The following NAALADL2 variants were observed in gnomAD, a reference collection of about 807,000 sequenced individuals.
NAALADL2 encodes the protein N-acetylated alpha-linked acidic dipeptidase like 2.
NAALADL2 carries 76 observed loss-of-function variants against 87.2 expected under a neutral mutation model. The ratio of observed to expected loss-of-function variants is 0.87; its 90% CI spans 0.72 to 1.05. The LOEUF (loss-of-function observed/expected upper bound fraction) is 1.05, where lower values mean the gene tolerates loss of function less well. NAALADL2 is among the 50% of genes least tolerant of loss of function. The pLI, the probability that NAALADL2 is intolerant of heterozygous loss-of-function variation, is 0.00. For synonymous variants in NAALADL2, 354 were observed against 331.0 expected (o/e 1.07, Z -0.75); for missense variants, 1,089 against 945.8 (o/e 1.15, Z -1.99).
chr3:175,242,708 C>T (rs1215357655), intron 3 of NAALADL2, among the ~76,000 whole-genome samples: 2 of 152,192 alleles, frequency 1.3e-5, no homozygotes, highest in African/African-American at 4.8e-5. Flanking sequence ...AAGAAACATT[C>T]AACTTTCAGC....
At chr3:174,812,511 ATACTT>A (rs1206859766) in intron 3 of NAALADL2, among the ~76,000 whole-genome samples, 5 of 152,226 alleles carry the variant, frequency 3.3e-5, no homozygotes, top group African/African-American at 7.2e-5. Context: ...TTAATATACT[ATACTT>A]TTTATTTTTA....
chr3:175,600,416 T>A (rs1228223922), intron 10 of NAALADL2, among the ~76,000 whole-genome samples: 1 of 151,062 alleles, frequency 6.6e-6, no homozygotes, highest in Admixed American at 6.6e-5. Flanking sequence ...ATGGAAAACC[T>A]ACATATGTTA....
At chr3:175,789,372 A>C (rs944970686) in intron 13 of NAALADL2, among the ~76,000 whole-genome samples, 3 of 152,190 alleles carry the variant, frequency 2.0e-5, no homozygotes, top group South Asian at 2.1e-4. Flanking sequence ...CTGTGTTAAA[A>C]GTATCAAAAT....
intron 3 of NAALADL2, among the ~76,000 whole-genome samples, chr3:175,243,300 T>G (rs147662609): frequency 7.1e-4 from 97 of 136,678 alleles, no homozygotes; most frequent in African/African-American, 2.6e-3. Context: ...ACTAGTGTTT[T>G]GTTCTACCAC....
intron 2 of NAALADL2, among the ~76,000 whole-genome samples, chr3:175,219,479 T>G (rs1418230972): frequency 6.6e-6 from 1 of 152,168 alleles, no homozygotes; most frequent in Admixed American, 6.6e-5. Context: ...CTCTATTGAT[T>G]ACATTTTCAA....
chr3:175,068,949 T>G (rs1334107470), intron 1 of NAALADL2, among the ~76,000 whole-genome samples: 1 of 152,148 alleles, frequency 6.6e-6, no homozygotes, highest in African/African-American at 2.4e-5. Context: ...ATACGCCACT[T>G]ATGTTTTAAT....
intron 11 of NAALADL2, among the ~76,000 whole-genome samples, chr3:175,669,681 A>G (rs1292852557): frequency 1.3e-5 from 2 of 152,024 alleles, no homozygotes; most frequent in African/African-American, 4.8e-5. Flanking sequence ...GAATGACTCT[A>G]AAGACAGTTT....
At chr3:174,651,121 A>G (rs1724312693) in intron 2 of NAALADL2, among the ~76,000 whole-genome samples, 1 of 152,148 alleles carries the variant, frequency 6.6e-6, no homozygotes, top group Non-Finnish European at 1.5e-5. Flanking sequence ...AAATTGTGCT[A>G]TCATTTAGAA....
chr3:175,068,656 G>A (rs1384358375), intron 1 of NAALADL2, among the ~76,000 whole-genome samples: 1 of 152,058 alleles, frequency 6.6e-6, no homozygotes, highest in Non-Finnish European at 1.5e-5. Flanking sequence ...GAAAAATTTA[G>A]CATCAAAGAT....
chr3:175,345,139 AAATT>A (rs1762997855), intron 5 of NAALADL2, among the ~76,000 whole-genome samples: 1 of 46,732 alleles, frequency 2.1e-5, no homozygotes, highest in Non-Finnish European at 4.2e-5. Flanking sequence ...AAAAAAATAA[AAATT>A]AAATAAATAT....
intron 9 of NAALADL2, among the ~76,000 whole-genome samples, chr3:175,537,004 A>T (rs1169001902): frequency 6.6e-6 from 1 of 152,208 alleles, no homozygotes; most frequent in Non-Finnish European, 1.5e-5. Flanking sequence ...CCTAAATAAG[A>T]ATGTATTATA....
intron 11 of NAALADL2, among the ~76,000 whole-genome samples, chr3:175,698,443 GTA>G (rs1738426068): frequency 5.4e-5 from 7 of 129,534 alleles, no homozygotes; most frequent in Non-Finnish European, 6.5e-5. Flanking sequence ...ATATATTTAT[GTA>G]TGTATACATA....
At chr3:175,676,776 C>G (rs1734842712) in intron 11 of NAALADL2, 1 of 152,068 alleles carries the variant, frequency 6.6e-6, no homozygotes, top group South Asian at 2.1e-4. Context: ...TACATCAAAA[C>G]CTATATCCTG....
intron 5 of NAALADL2, among the ~76,000 whole-genome samples, chr3:175,338,289 T>C (rs1199583126): frequency 1.3e-5 from 2 of 152,082 alleles, no homozygotes; most frequent in Non-Finnish European, 1.5e-5. Context: ...ATTTTAAGCA[T>C]TGTGATGGTT....
intron 3 of NAALADL2, among the ~76,000 whole-genome samples, chr3:174,848,976 C>T (rs752669128): frequency 6.6e-5 from 10 of 151,906 alleles, no homozygotes; most frequent in Admixed American, 1.3e-4. Flanking sequence ...AATTGGAACA[C>T]GATGGTAAGT....
intron 4 of NAALADL2, among the ~76,000 whole-genome samples, chr3:175,282,241 A>C (rs1754405124): frequency 6.6e-6 from 1 of 152,066 alleles, no homozygotes; most frequent in South Asian, 2.1e-4. Context: ...AATTAACCCA[A>C]ATCAATATGT....
rs183674783 is a variant in NAALADL2 at position 175,463,424 on chromosome 3, G to T, written c.1258G>T (p.Val420Phe). 1.1e-5 allele frequency: 18 copies of T among 1,594,978 alleles called. 1 individual carries two copies. The East Asian group carries it at 2.0e-4, about 18-fold the overall frequency. ...AGAAATAAGAGTCGTCAGCATGCAA[G>T]TTCAGACAGTCACAAAATTGAAAAC... Reference protein sequence around the residue: ...NNEIRVVSMQVQTVTKLKTVT... With the variant: ...NNEIRVVSMQFQTVTKLKTVT... Residue 420 changes from valine to phenylalanine, a missense_variant, in exon 7 of 14, where the codon GTT (valine) becomes TTT (phenylalanine). By Grantham distance (50) the Val-to-Phe change is conservative. Coordinates refer to ENST00000454872, the MANE Select transcript of NAALADL2 (RefSeq NM_207015.3).
chr3:175,085,283 G>C (rs1382624417), intron 1 of NAALADL2, among the ~76,000 whole-genome samples: 1 of 152,146 alleles, frequency 6.6e-6, no homozygotes, highest in Non-Finnish European at 1.5e-5. Context: ...AATATAAATA[G>C]AGGGCATAGA....
chr3:174,506,065 CATT>C (rs1432755837), intron 1 of NAALADL2, among the ~76,000 whole-genome samples: 5 of 152,060 alleles, frequency 3.3e-5, no homozygotes, highest in Non-Finnish European at 7.4e-5. Flanking sequence ...ATGAGATCAT[CATT>C]GAGATGAGTA....
Sources: gnomAD v4.1 joint callset for allele counts (sites outside exome capture counted in the v4.1 genomes callset) on GRCh38, gnomAD v4.1.1 for gene constraint, MANE v1.5 for transcripts, NCBI Gene and HGNC (gene_info 2026-07-23, HGNC 2026-07-21) for gene names.